The following PREX1 variants were observed in gnomAD, a reference collection of about 807,000 sequenced individuals.
PREX1 encodes the protein phosphatidylinositol-3,4,5-trisphosphate dependent Rac exchange factor 1.
A neutral mutation model predicts 198.3 loss-of-function variants in PREX1; 41 were observed. The ratio of observed to expected loss-of-function variants is 0.21; its 90% CI spans 0.16 to 0.27. The LOEUF is 0.27. Ranked by LOEUF, PREX1 falls within the 10% of genes least tolerant of loss-of-function variation. The pLI is 1.00. For synonymous variants in PREX1, 843 were observed against 887.2 expected, an observed-to-expected ratio of 0.95 and a Z score of 0.89; for missense variants, 1,620 against 2,200.7, an observed-to-expected ratio of 0.74 and a Z score of 5.28.
chr20:48,717,958 A>C (rs193141667), intron 5 of PREX1, among the ~76,000 whole-genome samples: 9 of 152,220 alleles, frequency 5.9e-5, no homozygotes, highest in African/African-American at 1.9e-4. Context: ...AGCAAAGCAG[A>C]AGCTCTGGCC....
chr20:48,826,869 T>G (rs2090511409), intron 1 of PREX1, among the ~76,000 whole-genome samples: 1 of 152,092 alleles, frequency 6.6e-6, no homozygotes, highest in Non-Finnish European at 1.5e-5. Context: ...AAAAAAAAAT[T>G]TTTTTAATTA....
In PREX1 at chr20:48,826,342, C is replaced by G. The variant is rs565205661; in HGVS notation, c.219+1300G>C. Among the ~76,000 whole-genome samples the G allele has an allele frequency of 2.0e-4, 31 of 152,288 alleles. 1 individual carries two copies. The South Asian group carries it at 4.6e-3, about 22-fold the overall frequency. On this transcript the variant is annotated intron_variant, in intron 1 of 39. Transcript: ENST00000371941. ...TCCAAGGCTCTGCCCCGTCCCACCC[C>G]CTCCACCCGCTGGCCACTTTTCTCA... is the stretch of plus-strand genomic sequence containing the variant.
At chr20:48,806,573 G>A (rs1179503591) in intron 1 of PREX1, among the ~76,000 whole-genome samples, 1 of 152,132 alleles carries the variant, frequency 6.6e-6, no homozygotes, top group Non-Finnish European at 1.5e-5. Flanking sequence ...TAGAAGGAAG[G>A]GATTACTATT....
intron 6 of PREX1, among the ~76,000 whole-genome samples, chr20:48,701,921 A>C (rs539654682): frequency 6.6e-6 from 1 of 152,274 alleles, no homozygotes; most frequent in South Asian, 2.1e-4. Flanking sequence ...GACAAAAATT[A>C]AGATAAAGAG....
chr20:48,658,030 G>C (rs953156515), intron 17 of PREX1, 106 bp downstream of exon 17: 2 of 1,107,516 alleles, frequency 1.8e-6, no homozygotes, highest in Middle Eastern at 2.1e-4. Flanking sequence ...AGGAGTCAGC[G>C]ATCATTCCAG....
chr20:48,663,606 ACT>A (rs890082484), intron 15 of PREX1, among the ~76,000 whole-genome samples: 5 of 152,148 alleles, frequency 3.3e-5, no homozygotes, highest in African/African-American at 9.7e-5. Flanking sequence ...TTGTTTACAT[ACT>A]CTCTATAGCT....
chr20:48,706,785 C>A (rs6012515), intron 6 of PREX1, among the ~76,000 whole-genome samples: 2 of 152,068 alleles, frequency 1.3e-5, no homozygotes, highest in Non-Finnish European at 2.9e-5. Context: ...AACCAAGCCA[C>A]GTACTTTTAA....
At chr20:48,643,082 C>T (rs1019718168) in intron 27 of PREX1, among the ~76,000 whole-genome samples, 1 of 152,210 alleles carries the variant, frequency 6.6e-6, no homozygotes, top group Non-Finnish European at 1.5e-5. Flanking sequence ...AGACTTGTCA[C>T]CATGCACCCT....
chr20:48,786,767 A>AG, intron 1 of PREX1, among the ~76,000 whole-genome samples: 1 of 151,552 alleles, frequency 6.6e-6, no homozygotes, highest in East Asian at 1.9e-4. Context: ...AAGAAAGAAA[A>AG]GAAAAAAAAG....
intron 21 of PREX1, 57 bp from the exon 22 acceptor site, chr20:48,651,640 G>A: frequency 6.5e-7 from 1 of 1,538,086 alleles, no homozygotes; most frequent in African/African-American, 1.4e-5. Context: ...AGGAAGGCGA[G>A]GCGAGGAGGA....
Position 48,650,209 on chromosome 20 carries a change from G to T in PREX1, c.2818-3C>A, listed in dbSNP as rs774903618. On this transcript the variant is annotated splice_polypyrimidine_tract_variant and splice_region_variant and intron_variant, in intron 23 of 39. Transcript: ENST00000371941. ...CTGCTCTTCAGTTGGGCTGCAAACT[G>T]AGAAAGTGGAGGCCGTAAGGTCGTG... The T allele has an allele frequency of 6.2e-7, 1 of 1,607,538 alleles. No individual in the cohort carries two copies. The highest frequency in any genetic ancestry group is 1.1e-5 in the South Asian group (1 of 90,936).
At chr20:48,781,363 T>C (rs1277519759) in intron 1 of PREX1, among the ~76,000 whole-genome samples, 2 of 152,224 alleles carry the variant, frequency 1.3e-5, no homozygotes, top group African/African-American at 4.8e-5. Flanking sequence ...TGTACTATAT[T>C]TGCAAGTTTT....
rs976321406 is a variant in PREX1 at position 48,624,644 on chromosome 20, G to A, written c.*1241C>T. The A allele has an allele frequency of 3.9e-5, 6 of 152,420 alleles. No individual in the cohort carries two copies. The highest frequency in any genetic ancestry group is 1.2e-4 in the African/African-American group (5 of 41,574). 9.4% of individuals were successfully genotyped at this position (152,420 alleles called of 1,614,324 possible). A position where few individuals can be genotyped will look rare whatever the true frequency, so the allele number is the denominator to read the frequency against. The stretch of plus-strand genomic sequence containing the variant: ...TTCCCTGAAGGCATACCGAAGCTGG[G>A]GGGACAAACTGCCGAGGGGGCTTGT... On this transcript the variant is annotated 3_prime_UTR_variant, in exon 40 of 40. Transcript: ENST00000371941.
chr20:48,886,422 C>T, the PREX1 span, among the ~76,000 whole-genome samples: 3 of 152,150 alleles, frequency 2.0e-5, no homozygotes, highest in Non-Finnish European at 4.4e-5. Flanking sequence ...TGGCACACCC[C>T]CAGGCGCTGG....
chr20:48,671,688 G>A (rs73144094), intron 14 of PREX1, among the ~76,000 whole-genome samples: 23,911 of 152,134 alleles, frequency 0.16, 2,217 homozygotes, highest in Middle Eastern at 0.3. Flanking sequence ...AAATCAAGAC[G>A]GGCTGTAACC....
Position 48,645,544 on chromosome 20 carries a change from C to T in PREX1, c.3512+307G>A, listed in dbSNP as rs530606532. Among the ~76,000 whole-genome samples the T allele has an allele frequency of 3.3e-5, 5 of 152,214 alleles. No individual in the cohort carries two copies. The South Asian group carries it at 1.0e-3, about 32-fold the overall frequency. ...ATGTCTTACACTGAGTTTGCAAACA[C>T]ACCACAGAATCTTGCCCTTGTGCCT... On this transcript the variant is annotated intron_variant, in intron 26 of 39. Coordinates refer to ENST00000371941, the MANE Select transcript of PREX1 (RefSeq NM_020820.4).
In PREX1 at chr20:48,646,165, G is replaced by A. The variant is rs1007221202; in HGVS notation, c.3306-108C>T. On this transcript the variant is annotated intron_variant, in intron 25 of 39. Coordinates refer to ENST00000371941, the MANE Select transcript of PREX1 (RefSeq NM_020820.4). ...GGTGTGAGCACTGGCCCTCCTGTTG[G>A]GGGTGGGAGACTCGCAAGTTCTTTC... 3.6e-6 allele frequency: 4 copies of A among 1,111,730 alleles called. No homozygotes were observed. The South Asian group carries it at 4.1e-5, about 11-fold the overall frequency. The allele number at this position is 1,111,730 out of a possible 1,614,324, so 68.9% of individuals were successfully genotyped here.
intron 1 of PREX1, among the ~76,000 whole-genome samples, chr20:48,791,719 C>T (rs2090339670): frequency 6.6e-6 from 1 of 152,206 alleles, no homozygotes; most frequent in South Asian, 2.1e-4. Context: ...CCACCAGCAA[C>T]AAGTCAACCC....
At chr20:48,869,745 CA>C in the PREX1 span, among the ~76,000 whole-genome samples, 1 of 152,168 alleles carries the variant, frequency 6.6e-6, no homozygotes, top group African/African-American at 2.4e-5. Flanking sequence ...AACACAGGAA[CA>C]GAAAACCAAA....
Sources: allele counts gnomAD v4.1 joint callset (sites outside exome capture counted in the v4.1 genomes callset), GRCh38; gene constraint gnomAD v4.1.1; transcripts MANE v1.5; gene names NCBI Gene and HGNC (gene_info 2026-07-23, HGNC 2026-07-21).